The following C12orf42 variants were observed in gnomAD, a reference collection of about 807,000 sequenced individuals.
C12orf42 encodes chromosome 12 open reading frame 42, also known as uncharacterized protein C12orf42.
Under a neutral mutation model 21.6 loss-of-function variants are expected in C12orf42, and 25 were observed. The observed-to-expected ratio is 1.16, with a 90% CI of 0.84 to 1.62. The LOEUF is 1.62. Among genes scored for constraint, C12orf42 ranks in the 40% most tolerant of loss-of-function variants. C12orf42 has a pLI of 0.00. For missense variants in C12orf42, 483 were observed against 459.3 expected (o/e 1.05, Z -0.47); for synonymous variants, 174 against 175.0 (o/e 0.99, Z 0.05).
chr12:103,342,917 T>A lies in C12orf42; in HGVS notation c.259+25970A>T, dbSNP rs117767055. On this transcript the variant is annotated intron_variant, in intron 4 of 5. Transcript: ENST00000548883. ...GGGTGCTATTTCAGAACCCTTTACC[T>A]CCTCACCCTGTGTACAGCTTATACT... 2.5e-4 allele frequency among the ~76,000 whole-genome samples: 38 copies of A among 152,260 alleles called. 1 individual carries two copies. Among genetic ancestry groups the A allele is most frequent in the Admixed American group, 1.4e-3 (21 of 15,298 alleles).
At chr12:103,323,482 C>CA (rs151119096) in intron 4 of C12orf42, among the ~76,000 whole-genome samples, 13,379 of 151,374 alleles carry the variant, frequency 0.088, 576 homozygotes, top group East Asian at 0.18. Context: ...TCAATTCATC[C>CA]AAAAAAAATA....
At chr12:103,294,474 T>TAAGA (rs2037063921) in intron 4 of C12orf42, among the ~76,000 whole-genome samples, 2 of 79,930 alleles carry the variant, frequency 2.5e-5, no homozygotes. Flanking sequence ...AAGAAAGAAA[T>TAAGA]AAGCAAGCAA....
the C12orf42 span, among the ~76,000 whole-genome samples, chr12:103,213,981 T>C: frequency 6.6e-6 from 1 of 152,216 alleles, no homozygotes; most frequent in Non-Finnish European, 1.5e-5. Flanking sequence ...TGTTCAACAA[T>C]GATCAGATGA....
At chr12:103,097,843 G>A in the C12orf42 span, among the ~76,000 whole-genome samples, 1 of 152,204 alleles carries the variant, frequency 6.6e-6, no homozygotes, top group African/African-American at 2.4e-5. Context: ...CACTCATGCG[G>A]ATGGGACACA....
chr12:103,200,252 A>C, the C12orf42 span, among the ~76,000 whole-genome samples: 1 of 152,092 alleles, frequency 6.6e-6, no homozygotes, highest in African/African-American at 2.4e-5. Context: ...ACTACATGAC[A>C]CCCCTTATAT....
chr12:103,281,952 A>G (rs1421964003), intron 4 of C12orf42, among the ~76,000 whole-genome samples: 3 of 151,284 alleles, frequency 2.0e-5, no homozygotes, highest in Admixed American at 2.0e-4. Context: ...AGAAAGAAAG[A>G]AAGAAAGAAA....
the C12orf42 span, among the ~76,000 whole-genome samples, chr12:103,135,878 C>A: frequency 6.6e-6 from 1 of 152,236 alleles, no homozygotes; most frequent in East Asian, 1.9e-4. Context: ...TAAAAACTCT[C>A]AACAAACTAG....
chr12:103,092,079 T>C, the C12orf42 span, among the ~76,000 whole-genome samples: 4 of 152,184 alleles, frequency 2.6e-5, no homozygotes, highest in Admixed American at 6.5e-5. Flanking sequence ...TATGTTCTTG[T>C]TTGTTAGAAA....
At chr12:103,192,946 C>G in the C12orf42 span, among the ~76,000 whole-genome samples, 2 of 152,152 alleles carry the variant, frequency 1.3e-5, no homozygotes, top group East Asian at 1.9e-4. Flanking sequence ...ATACCTTCTT[C>G]TCAAGCACAT....
the C12orf42 span, among the ~76,000 whole-genome samples, chr12:103,114,725 A>G: frequency 2.0e-5 from 3 of 152,332 alleles, no homozygotes; most frequent in Admixed American, 6.5e-5. Flanking sequence ...TCCATGACAA[A>G]TCAGAATTAG....
intron 2 of C12orf42, among the ~76,000 whole-genome samples, chr12:103,451,847 T>G (rs929294723): frequency 6.6e-6 from 1 of 152,074 alleles, no homozygotes; most frequent in African/African-American, 2.4e-5. Flanking sequence ...CTTGCCATTT[T>G]CCCAGCCTCT....
At chr12:103,126,375 T>C in the C12orf42 span, among the ~76,000 whole-genome samples, 5 of 152,326 alleles carry the variant, frequency 3.3e-5, no homozygotes, top group South Asian at 8.3e-4. Context: ...TTACTGGTTC[T>C]AAAAATACTG....
intron 2 of C12orf42, among the ~76,000 whole-genome samples, chr12:103,424,087 A>C (rs1239697586): frequency 6.6e-6 from 1 of 152,192 alleles, no homozygotes; most frequent in Non-Finnish European, 1.5e-5. Context: ...AACTTAACTT[A>C]CTAGAAATGC....
the C12orf42 span, among the ~76,000 whole-genome samples, chr12:103,509,392 A>G: frequency 2.0e-5 from 3 of 152,214 alleles, no homozygotes; most frequent in African/African-American, 7.2e-5. Flanking sequence ...GAAAAAATAA[A>G]TCTCAGCCCC....
the C12orf42 span, among the ~76,000 whole-genome samples, chr12:103,542,357 A>G: frequency 5.3e-5 from 8 of 152,370 alleles, no homozygotes; most frequent in Admixed American, 1.3e-4. Context: ...TGTGGAGCAA[A>G]ATCACTTGCC....
At chr12:103,210,462 C>T in the C12orf42 span, among the ~76,000 whole-genome samples, 1 of 152,252 alleles carries the variant, frequency 6.6e-6, no homozygotes, top group East Asian at 1.9e-4. Context: ...TCTCTCCTCA[C>T]CTGGAGGCTG....
upstream of C12orf42, among the ~76,000 whole-genome samples, chr12:103,496,193 A>G (rs1955537824): frequency 6.6e-6 from 1 of 152,178 alleles, no homozygotes; most frequent in African/African-American, 2.4e-5. Flanking sequence ...GGGGGCGGCA[A>G]GGGGGATCCC....
chr12:103,453,211 C>A (rs1952065365), intron 2 of C12orf42, among the ~76,000 whole-genome samples: 1 of 151,170 alleles, frequency 6.6e-6, no homozygotes, highest in South Asian at 2.1e-4. Context: ...AATGACTATG[C>A]AGGTTTTCTA....
intron 4 of C12orf42, among the ~76,000 whole-genome samples, chr12:103,358,428 G>A (rs561917780): frequency 7.7e-4 from 117 of 152,122 alleles, no homozygotes; most frequent in African/African-American, 2.8e-3. Context: ...AGGAGTAAGA[G>A]CAATTCATCC....
Sources: allele counts gnomAD v4.1 joint callset (sites outside exome capture counted in the v4.1 genomes callset), GRCh38; gene constraint gnomAD v4.1.1; transcripts MANE v1.5; gene names NCBI Gene and HGNC (gene_info 2026-07-23, HGNC 2026-07-21).